Variants in PCDH9 observed in about 807,000 individuals in gnomAD.
The protein encoded by PCDH9 is protocadherin 9, also known as protocadherin-9.
Under a neutral mutation model 70.6 loss-of-function variants are expected in PCDH9, and 24 were observed. The observed-to-expected ratio is 0.34, with a 90% CI of 0.25 to 0.48. The LOEUF (loss-of-function observed/expected upper bound fraction) is 0.48. Among genes scored for constraint, PCDH9 ranks in the 20% least tolerant of loss-of-function variants. The probability of loss-of-function intolerance (pLI) is 0.99; values close to 1 mark genes in which losing one functional copy is unlikely to be tolerated. For synonymous variants in PCDH9, 562 were observed against 558.5 expected (o/e 1.01, Z -0.09); for missense variants, 1,281 against 1,503.6 (o/e 0.85, Z 2.45).
chr13:66,383,050 CAG>C (rs1956874726), intron 4 of PCDH9, among the ~76,000 whole-genome samples: 1 of 151,974 alleles, frequency 6.6e-6, no homozygotes, highest in South Asian at 2.1e-4. Flanking sequence ...AACAAACAAA[CAG>C]AAGATTATTT....
intron 4 of PCDH9, among the ~76,000 whole-genome samples, chr13:66,478,325 G>A (rs1958771058): frequency 6.6e-6 from 1 of 152,018 alleles, no homozygotes; most frequent in Admixed American, 6.6e-5. Context: ...ATTGAAATTA[G>A]GCCAGTTAGT....
chr13:67,158,917 T>C (rs997525303), intron 2 of PCDH9, among the ~76,000 whole-genome samples: 4 of 152,168 alleles, frequency 2.6e-5, no homozygotes, highest in Non-Finnish European at 5.9e-5. Context: ...TTATTTCTCA[T>C]TGGAAAGACG....
chr13:66,575,939 GT>G (rs2076808497), intron 4 of PCDH9, among the ~76,000 whole-genome samples: 1 of 151,866 alleles, frequency 6.6e-6, no homozygotes, highest in Non-Finnish European at 1.5e-5. Flanking sequence ...TTAATTTTAT[GT>G]TTTTGTACCA....
In PCDH9 at chr13:66,381,493, C is replaced by A. The variant is rs191381287; in HGVS notation, c.3341-76465G>T. Reference sequence around the variant, plus strand: ...CACTGTGTAAGGCTTACTTTTAGTACTAAAAATAAACAATATTGGCTTTTT... The same window carrying A: ...CACTGTGTAAGGCTTACTTTTAGTAATAAAAATAAACAATATTGGCTTTTT... On this transcript the variant is annotated intron_variant, in intron 4 of 4. Coordinates refer to ENST00000377865, the MANE Select transcript of PCDH9 (RefSeq NM_203487.3). 4.2e-3 allele frequency among the ~76,000 whole-genome samples: 644 copies of A among 152,196 alleles called. 3 individuals are homozygous for A. The highest frequency in any genetic ancestry group is 6.0e-3 in the Non-Finnish European group (407 of 68,008).
At chr13:66,748,693 T>TG (rs1324261637) in intron 3 of PCDH9, among the ~76,000 whole-genome samples, 2 of 152,198 alleles carry the variant, frequency 1.3e-5, no homozygotes, top group African/African-American at 4.8e-5. Flanking sequence ...TGTGAAATCC[T>TG]GGGCCTCTGT....
At chr13:66,854,252 T>A (rs2081359445) in intron 3 of PCDH9, among the ~76,000 whole-genome samples, 1 of 152,204 alleles carries the variant, frequency 6.6e-6, no homozygotes, top group South Asian at 2.1e-4. Context: ...TACTTTTCTT[T>A]GTCTGTAAAA....
chr13:66,488,444 G>GA (rs938168625), intron 4 of PCDH9, among the ~76,000 whole-genome samples: 5 of 152,044 alleles, frequency 3.3e-5, no homozygotes, highest in Non-Finnish European at 7.4e-5. Flanking sequence ...AAAGCCCAGG[G>GA]AAAAAACCAA....
At chr13:67,215,647 G>A (rs750535156) in intron 2 of PCDH9, 14 of 152,040 alleles carry the variant, frequency 9.2e-5, no homozygotes, top group Non-Finnish European at 1.9e-4. Flanking sequence ...CAAAATTACT[G>A]AGAAAATGGG....
chr13:66,928,175 C>T (rs1025997773), intron 2 of PCDH9, among the ~76,000 whole-genome samples: 9 of 152,016 alleles, frequency 5.9e-5, no homozygotes, highest in Non-Finnish European at 1.3e-4. Context: ...CTTGGCAGAT[C>T]AGCTATTGGG....
chr13:66,632,548 T>C (rs2077585261), intron 3 of PCDH9, among the ~76,000 whole-genome samples: 1 of 152,220 alleles, frequency 6.6e-6, no homozygotes, highest in Admixed American at 6.5e-5. Context: ...CTAAAGTGTA[T>C]ACATGGTAAC....
chr13:66,617,730 C>G (rs902934673), intron 4 of PCDH9, among the ~76,000 whole-genome samples: 3 of 152,096 alleles, frequency 2.0e-5, no homozygotes, highest in African/African-American at 7.2e-5. Context: ...TACTTTTTTT[C>G]TAATAACCCG....
At chr13:66,739,790 A>C (rs1473420712) in intron 3 of PCDH9, among the ~76,000 whole-genome samples, 2 of 140,506 alleles carry the variant, frequency 1.4e-5, no homozygotes, top group Admixed American at 1.4e-4. Context: ...AGAGGAGCTA[A>C]CTATCCTAAA....
chr13:66,914,058 A>G (rs1007827273), intron 2 of PCDH9, among the ~76,000 whole-genome samples: 8 of 152,002 alleles, frequency 5.3e-5, no homozygotes, highest in African/African-American at 1.9e-4. Context: ...GTGATGTTGG[A>G]TAGGAACTCT....
chr13:67,163,746 C>T (rs1349885836), intron 2 of PCDH9, among the ~76,000 whole-genome samples: 1 of 152,110 alleles, frequency 6.6e-6, no homozygotes, highest in Non-Finnish European at 1.5e-5. Flanking sequence ...ATTGAGGCTT[C>T]CAAAATGTAC....
chr13:66,702,416 G>T (rs1479163555), intron 3 of PCDH9, among the ~76,000 whole-genome samples: 1 of 152,162 alleles, frequency 6.6e-6, no homozygotes, highest in Non-Finnish European at 1.5e-5. Flanking sequence ...GGGACTGAAG[G>T]AGGGGGGAAA....
rs2089975350 is a variant in PCDH9 at position 67,230,200 on chromosome 13, A to T, written c.-556T>A. ...ATTCTCTGACAGCTATCCGGGTGACAGTTGCCCGAAAAATTCCTAATCGGT... is the reference window on the plus strand; with the variant it reads ...ATTCTCTGACAGCTATCCGGGTGACTGTTGCCCGAAAAATTCCTAATCGGT... On this transcript the variant is annotated 5_prime_UTR_variant, in exon 1 of 5. Transcript: ENST00000377865. 1.3e-5 allele frequency: 2 copies of T among 152,264 alleles called. No individual in the cohort carries two copies. Among genetic ancestry groups the T allele is most frequent in the Non-Finnish European group, 2.9e-5 (2 of 68,076 alleles). 9.4% of individuals were successfully genotyped at this position (152,264 alleles called of 1,614,324 possible). A position where few individuals can be genotyped will look rare whatever the true frequency, so the allele number is the denominator to read the frequency against.
At chr13:66,914,924 T>G (rs1056403521) in intron 2 of PCDH9, 1 of 151,724 alleles carries the variant, frequency 6.6e-6, no homozygotes, top group Non-Finnish European at 1.5e-5. Flanking sequence ...GTGTGTGTGT[T>G]TTTTTCCTGC....
At chr13:66,852,161 A>G (rs2081324880) in intron 3 of PCDH9, among the ~76,000 whole-genome samples, 1 of 152,116 alleles carries the variant, frequency 6.6e-6, no homozygotes, top group Admixed American at 6.5e-5. Context: ...ACAAGGTAGT[A>G]ATAGTAGGCC....
At chr13:66,590,840 C>T (rs1361233802) in intron 4 of PCDH9, among the ~76,000 whole-genome samples, 1 of 151,728 alleles carries the variant, frequency 6.6e-6, no homozygotes. Context: ...TCTCCATTTA[C>T]ATCCTCATAT....
Sources: allele counts gnomAD v4.1 joint callset (sites outside exome capture counted in the v4.1 genomes callset), GRCh38; gene constraint gnomAD v4.1.1; transcripts MANE v1.5; gene names NCBI Gene and HGNC (gene_info 2026-07-23, HGNC 2026-07-21).